The following GLIPR1L2 variants were observed in gnomAD, a reference collection of about 807,000 sequenced individuals.
GLIPR1L2 encodes GLIPR1-like protein 2.
Under a neutral mutation model 28.4 loss-of-function variants are expected in GLIPR1L2, and 21 were observed. The observed-to-expected ratio is 0.74, with a 90% CI of 0.52 to 1.06. The LOEUF (loss-of-function observed/expected upper bound fraction) is 1.06. GLIPR1L2 is among the 50% of genes least tolerant of loss of function. The probability of loss-of-function intolerance (pLI) is 0.00; values close to 1 mark genes in which losing one functional copy is unlikely to be tolerated. For missense variants in GLIPR1L2, 476 were observed against 416.9 expected (o/e 1.14, Z -1.23); for synonymous variants, 145 against 139.3 (o/e 1.04, Z -0.29).
chr12:75,412,282 T>C (rs2045875865), intron 2 of GLIPR1L2, among the ~76,000 whole-genome samples: 1 of 151,996 alleles, frequency 6.6e-6, no homozygotes, highest in Admixed American at 6.6e-5. Context: ...CCTTTGGCTC[T>C]GAAGCATTAT....
chr12:75,399,115 A>G (rs1021515623), intron 1 of GLIPR1L2, among the ~76,000 whole-genome samples: 2 of 152,192 alleles, frequency 1.3e-5, no homozygotes, highest in Non-Finnish European at 2.9e-5. Context: ...TTTTAAAAAT[A>G]AATAAGCATA....
At chr12:75,409,919 A>G (rs1283831324) in intron 1 of GLIPR1L2, among the ~76,000 whole-genome samples, 2 of 149,554 alleles carry the variant, frequency 1.3e-5, no homozygotes, top group African/African-American at 2.4e-5. Flanking sequence ...ATCTAATCCA[A>G]TATATATAAG....
At position 75,432,294 on chromosome 12, in the gene GLIPR1L2, T is replaced by C. The variant is rs2046099089; in HGVS notation, c.*1133T>C. ...TTGTTGCACACTTATTAGAACTCAA[T>C]GTGACTGAGATGTGAAAGGTTGATA... On this transcript the variant is annotated 3_prime_UTR_variant, in exon 6 of 6. Coordinates refer to ENST00000550916, the MANE Select transcript of GLIPR1L2 (RefSeq NM_001270396.2). The C allele has an allele frequency of 6.6e-6, 1 of 152,148 alleles. No homozygotes were observed. 9.4% of individuals were successfully genotyped at this position (152,148 alleles called of 1,614,324 possible).
At chr12:75,421,593 C>CA (rs1323929817) in intron 3 of GLIPR1L2, among the ~76,000 whole-genome samples, 2 of 152,180 alleles carry the variant, frequency 1.3e-5, no homozygotes, top group Non-Finnish European at 2.9e-5. Flanking sequence ...TGCCCCCACT[C>CA]AAATGTATCT....
At chr12:75,430,615 A>T (rs999120346) in intron 4 of GLIPR1L2, 100 bp from the exon 5 acceptor site, 1 of 1,103,628 alleles carries the variant, frequency 9.1e-7, no homozygotes, top group Non-Finnish European at 1.3e-6. Flanking sequence ...ATAATGCCTG[A>T]GAACTAGGAG....
intron 1 of GLIPR1L2, among the ~76,000 whole-genome samples, chr12:75,395,882 A>G (rs1283723121): frequency 6.6e-6 from 1 of 151,394 alleles, no homozygotes; most frequent in Non-Finnish European, 1.5e-5. Context: ...TCTCTGCTTC[A>G]ATCTTTATTA....
rs1330620085 is a variant in GLIPR1L2, at chr12:75,431,375, C to T, written c.*214C>T. The T allele has an allele frequency of 2.3e-6, 1 of 439,098 alleles. No homozygotes were observed. The highest frequency in any genetic ancestry group is 2.0e-5 in the African/African-American group (1 of 49,502). 27.2% of individuals were successfully genotyped at this position (439,098 alleles called of 1,614,324 possible). A position where few individuals can be genotyped will look rare whatever the true frequency, so the allele number is the denominator to read the frequency against. ...AGAAACAAAAAACATGTAAGGTGGG[C>T]TCTTTGACACTAAGAACAGATAAAG... On this transcript the variant is annotated 3_prime_UTR_variant, in exon 6 of 6. Coordinates refer to ENST00000550916, the MANE Select transcript of GLIPR1L2 (RefSeq NM_001270396.2).
intron 4 of GLIPR1L2, among the ~76,000 whole-genome samples, chr12:75,428,641 A>G (rs922737932): frequency 6.6e-6 from 1 of 152,206 alleles, no homozygotes; most frequent in Non-Finnish European, 1.5e-5. Context: ...TATTTCAGAG[A>G]TCTTCATGGC....
Position 75,391,096 on chromosome 12 carries a change from C to T in GLIPR1L2, c.-21C>T. ...GGGACGGCCAGCGCGTGCGCACTGG[C>T]CTGTCAGCGGCCGGTGGACCATGGA... On this transcript the variant is annotated 5_prime_UTR_variant, in exon 1 of 6. Coordinates refer to ENST00000550916, the MANE Select transcript of GLIPR1L2 (RefSeq NM_001270396.2). 6.4e-7 allele frequency: 1 copy of T among 1,572,346 alleles called. No individual in the cohort carries two copies. Among genetic ancestry groups the T allele is most frequent in the Non-Finnish European group, 8.7e-7 (1 of 1,144,696 alleles).
intron 1 of GLIPR1L2, among the ~76,000 whole-genome samples, chr12:75,400,300 T>G (rs1254934744): frequency 1.3e-5 from 2 of 151,908 alleles, no homozygotes; most frequent in African/African-American, 4.8e-5. Context: ...TTTTTGTATT[T>G]TTTTTAGTAG....
intron 1 of GLIPR1L2, among the ~76,000 whole-genome samples, chr12:75,404,851 A>G (rs537972755): frequency 6.6e-6 from 1 of 152,330 alleles, no homozygotes; most frequent in South Asian, 2.1e-4. Context: ...TCTTTTTAGT[A>G]ACTTATAGTC....
At chr12:75,393,864 G>A (rs999284905) in intron 1 of GLIPR1L2, among the ~76,000 whole-genome samples, 1 of 151,970 alleles carries the variant, frequency 6.6e-6, no homozygotes, top group African/African-American at 2.4e-5. Context: ...CACCAAGAAT[G>A]TTCAAGGGTT....
intron 4 of GLIPR1L2, among the ~76,000 whole-genome samples, chr12:75,429,153 G>A (rs2046065073): frequency 6.6e-6 from 1 of 152,210 alleles, no homozygotes; most frequent in South Asian, 2.1e-4. Context: ...AAAAGCCACA[G>A]GTACTCAATG....
At chr12:75,429,938 CT>C (rs34354324) in intron 4 of GLIPR1L2, among the ~76,000 whole-genome samples, 152 of 128,634 alleles carry the variant, frequency 1.2e-3, no homozygotes, top group Middle Eastern at 4.0e-3. Flanking sequence ...TCTTTTCTTT[CT>C]TTTTTTTTTT....
intron 1 of GLIPR1L2, among the ~76,000 whole-genome samples, chr12:75,396,862 C>A (rs989708223): frequency 6.6e-6 from 1 of 152,200 alleles, no homozygotes; most frequent in Non-Finnish European, 1.5e-5. Flanking sequence ...TTTATATTTT[C>A]TCTCCAGCTA....
At chr12:75,425,831 C>T (rs955789098) in intron 4 of GLIPR1L2, among the ~76,000 whole-genome samples, 3 of 152,120 alleles carry the variant, frequency 2.0e-5, no homozygotes, top group Non-Finnish European at 4.4e-5. Flanking sequence ...GGCTAGTTTT[C>T]TCACTGTCAG....
intron 1 of GLIPR1L2, among the ~76,000 whole-genome samples, chr12:75,401,889 G>T (rs1382562614): frequency 6.6e-6 from 1 of 151,786 alleles, no homozygotes; most frequent in East Asian, 1.9e-4. Flanking sequence ...GACAATAAAT[G>T]AACTAAAAAA....
chr12:75,406,936 A>G lies in GLIPR1L2; in HGVS notation c.235-3498A>G, dbSNP rs965226045. Among the ~76,000 whole-genome samples, 3 of 151,926 alleles carry G rather than the reference A, an allele frequency of 2.0e-5. No homozygotes were observed. In the East Asian group the frequency reaches 5.8e-4, roughly 29 times the overall value. ...TGGCCTGCATCACCCAGTTTTCACA[A>G]AAGTCCCACCTAGCCCAGTTTAAGG... is the stretch of plus-strand genomic sequence containing the variant. On this transcript the variant is annotated intron_variant, in intron 1 of 5. Transcript: ENST00000550916.
chr12:75,426,897 G>A (rs952900811), intron 4 of GLIPR1L2, among the ~76,000 whole-genome samples: 1 of 152,092 alleles, frequency 6.6e-6, no homozygotes, highest in African/African-American at 2.4e-5. Context: ...GTTCTCATGA[G>A]CACTTCTTCA....
Sources: allele counts gnomAD v4.1 joint callset (sites outside exome capture counted in the v4.1 genomes callset), GRCh38; gene constraint gnomAD v4.1.1; transcripts MANE v1.5; gene names NCBI Gene and HGNC (gene_info 2026-07-23, HGNC 2026-07-21).